Variants in THTPA observed in about 807,000 individuals in gnomAD.
THTPA encodes the protein thiamine triphosphatase.
THTPA carries 16 observed loss-of-function variants against 16.5 expected under a neutral mutation model. The ratio of observed to expected loss-of-function variants is 0.97; its 90% CI spans 0.66 to 1.47. The LOEUF is 1.47. Among genes scored for constraint, THTPA ranks in the 40% most tolerant of loss-of-function variants. The probability of loss-of-function intolerance (pLI) is 0.00; values close to 1 mark genes in which losing one functional copy is unlikely to be tolerated. For missense variants in THTPA, 281 were observed against 280.9 expected (o/e 1.00, Z 0.00); for synonymous variants, 110 against 115.5 (o/e 0.95, Z 0.30).
the THTPA span, chr14:23,526,159 G>A: frequency 6.5e-7 from 1 of 1,536,550 alleles, no homozygotes; most frequent in Admixed American, 2.0e-5. Flanking sequence ...TCTCCAGGGT[G>A]GAGCTCTGGT....
the THTPA span, chr14:23,531,800 G>C: frequency 7.9e-7 from 1 of 1,268,168 alleles, no homozygotes; most frequent in Non-Finnish European, 9.9e-7. Flanking sequence ...TTTTTCTAGA[G>C]AGAGTCTTGC....
the THTPA span, among the ~76,000 whole-genome samples, chr14:23,527,237 G>C: frequency 1.3e-5 from 2 of 152,208 alleles, no homozygotes; most frequent in African/African-American, 4.8e-5. Flanking sequence ...GCTGGTACCT[G>C]CTGTTCAACA....
chr14:23,523,228 C>A, the THTPA span: 1 of 1,431,242 alleles, frequency 7.0e-7, no homozygotes, highest in South Asian at 1.5e-5. The surrounding 1 kb of genome is among the most constrained non-coding windows in gnomAD (Gnocchi z 4.1). Flanking sequence ...CTAAGTTGCC[C>A]AGCGGGGGCT....
chr14:23,537,032 C>T, the THTPA span, among the ~76,000 whole-genome samples: 1 of 152,060 alleles, frequency 6.6e-6, no homozygotes, highest in African/African-American at 2.4e-5. Flanking sequence ...CCCAGCTACT[C>T]AGGAGGCTGA....
At chr14:23,531,553 G>A in the THTPA span, 15 of 1,522,474 alleles carry the variant, frequency 9.9e-6, no homozygotes, top group Non-Finnish European at 1.2e-5. Context: ...TCAGTGGTTG[G>A]GCCATTCTGT....
chr14:23,524,881 G>C, the THTPA span: 1 of 1,536,354 alleles, frequency 6.5e-7, no homozygotes, highest in Non-Finnish European at 8.7e-7. The surrounding 1 kb of genome is among the most constrained non-coding windows in gnomAD (Gnocchi z 5.6). Context: ...TCTTGAGGTG[G>C]CGCACCAACT....
At chr14:23,515,634 T>C in the THTPA span, among the ~76,000 whole-genome samples, 30,883 of 152,026 alleles carry the variant, frequency 0.2, 7,646 homozygotes, top group African/African-American at 0.59. Flanking sequence ...GCTTTCCCAG[T>C]GACTGGGCAG....
the THTPA span, chr14:23,531,137 G>T: frequency 5.6e-5 from 11 of 196,654 alleles, no homozygotes; most frequent in Non-Finnish European, 9.2e-5. Context: ...GCACAAAACA[G>T]GTTCTCTCTC....
chr14:23,521,233 C>G, the THTPA span: 4 of 152,278 alleles, frequency 2.6e-5, no homozygotes, highest in African/African-American at 9.7e-5. Flanking sequence ...CACAGGGGCT[C>G]CCCTGTCAGG....
the THTPA span, chr14:23,526,300 G>A: frequency 2.0e-6 from 3 of 1,536,302 alleles, no homozygotes; most frequent in South Asian, 3.6e-5. Flanking sequence ...TGTGAAGGTG[G>A]GAGACAGAAT....
chr14:23,526,726 G>A, the THTPA span: 227 of 1,535,262 alleles, frequency 1.5e-4, no homozygotes, highest in Non-Finnish European at 1.9e-4. Flanking sequence ...CTTCGTTTAA[G>A]CCAGACCCCA....
the THTPA span, among the ~76,000 whole-genome samples, chr14:23,515,367 C>A: frequency 4.9e-4 from 74 of 152,250 alleles, no homozygotes; most frequent in Non-Finnish European, 7.5e-4. Flanking sequence ...GTGCTCTAGG[C>A]CTAGAGAGGT....
chr14:23,529,839 A>C, the THTPA span: 27 of 1,460,546 alleles, frequency 1.8e-5, no homozygotes, highest in Middle Eastern at 1.8e-4. Context: ...GAGAGCTTCC[A>C]GGGTAGGGAG....
At chr14:23,548,994 C>T in the THTPA span, among the ~76,000 whole-genome samples, 2 of 152,144 alleles carry the variant, frequency 1.3e-5, no homozygotes, top group African/African-American at 2.4e-5. Flanking sequence ...AGCACTCCTT[C>T]GTTTGCCATC....
the THTPA span, chr14:23,521,392 G>C: frequency 6.6e-6 from 1 of 152,424 alleles, no homozygotes; most frequent in African/African-American, 2.4e-5. Context: ...GAAAGAGTTT[G>C]TGAGCGGTGT....
the THTPA span, among the ~76,000 whole-genome samples, chr14:23,550,829 C>T: frequency 8.5e-5 from 13 of 152,188 alleles, no homozygotes; most frequent in Admixed American, 2.0e-4. Flanking sequence ...TCCCCTCCCA[C>T]TCCACGCCCC....
At chr14:23,525,136 G>A in the THTPA span, 1 of 1,536,170 alleles carries the variant, frequency 6.5e-7, no homozygotes, top group Non-Finnish European at 8.7e-7. The surrounding 1 kb of genome is among the most constrained non-coding windows in gnomAD (Gnocchi z 5.9). Context: ...GGAACTCTGT[G>A]AACTTGGTTC....
In THTPA at chr14:23,559,814, G is replaced by A; in HGVS notation, c.*974G>A. 1 of 1,614,154 alleles carries A rather than the reference G, an allele frequency of 6.2e-7. No homozygotes were observed. Among genetic ancestry groups the A allele is most frequent in the South Asian group, 1.1e-5 (1 of 91,076 alleles). ...ATCTCCTGCACCGACTGGTGAAAGT[G>A]GTCGTAGGTGAGGCGCAGCTTTAGC... On this transcript the variant is annotated 3_prime_UTR_variant, in exon 2 of 2. Coordinates refer to ENST00000288014, the MANE Select transcript of THTPA (RefSeq NM_024328.6).
the THTPA span, among the ~76,000 whole-genome samples, chr14:23,535,820 G>A: frequency 1.0e-3 from 159 of 152,184 alleles, 4 homozygotes; most frequent in East Asian, 0.026. This position sits in a 1 kb window ranked among gnomAD's most constrained non-coding sequence, Gnocchi z 4.5. Flanking sequence ...TCTAACTCCC[G>A]ACCTCAAGTG....
Sources: gnomAD v4.1 joint callset for allele counts (sites outside exome capture counted in the v4.1 genomes callset) on GRCh38, gnomAD v4.1.1 for gene constraint, Gnocchi (gnomAD v3.1) non-coding constraint, MANE v1.5 for transcripts, NCBI Gene and HGNC (gene_info 2026-07-23, HGNC 2026-07-21) for gene names.